CCDC74A: variants seen among roughly 807,000 people sequenced by gnomAD.
CCDC74A encodes the protein coiled-coil domain-containing protein 74A.
CCDC74A carries 38 observed loss-of-function variants against 37.6 expected under a neutral mutation model. That is an observed-to-expected ratio of 1.01 (90% CI 0.78 to 1.33). The LOEUF (loss-of-function observed/expected upper bound fraction) is 1.33. Among genes scored for constraint, CCDC74A ranks in the 40% most tolerant of loss-of-function variants. The pLI, the probability that CCDC74A is intolerant of heterozygous loss-of-function variation, is 0.00. For missense variants in CCDC74A, 340 were observed against 403.4 expected, an observed-to-expected ratio of 0.84 and a Z score of 1.35; for synonymous variants, 134 against 165.2, an observed-to-expected ratio of 0.81 and a Z score of 1.45.
chr2:131,527,758 C>A, upstream of CCDC74A: 1 of 737,150 alleles, frequency 1.4e-6, no homozygotes, highest in East Asian at 3.2e-5. Context: ...GCCTCCCAAA[C>A]TTCGGGGATT....
intron 4 of CCDC74A, among the ~76,000 whole-genome samples, chr2:131,532,216 G>A (rs537260697): frequency 8.4e-4 from 111 of 132,686 alleles, no homozygotes; most frequent in Non-Finnish European, 1.7e-3. Context: ...TTGCGGGACT[G>A]CCCTGAGATG....
intron 3 of CCDC74A, 34 bp downstream of exon 3, chr2:131,530,861 T>C: frequency 6.2e-7 from 1 of 1,604,218 alleles, no homozygotes; most frequent in Non-Finnish European, 8.5e-7. Context: ...CTCACAGGGG[T>C]GAGTGCCCCA....
At position 131,531,754 on chromosome 2, in the gene CCDC74A, T is replaced by G; in HGVS notation, c.437T>G (p.Leu146Arg). ...GCGGACCTGGAAGAGGAGCCCCTAC[T>G]TCACAACAGCAAGCTGGACAAAGTT... Reference protein sequence around the residue: ...QKADLEEEPLLHNSKLDKVPG... With the variant: ...QKADLEEEPLRHNSKLDKVPG... The change falls in exon 4 of 8, where the codon CTT becomes CGT. Residue 146 changes from leucine (L) to arginine (R), a missense_variant. Around this residue, in one of 3 missense-constraint regions of CCDC74A, gnomAD observed 185 missense variants for 231.5 expected, o/e 0.80. Coordinates refer to ENST00000409856, the MANE Select transcript of CCDC74A (RefSeq NM_001258306.3). The G allele has an allele frequency of 6.6e-7, 1 of 1,521,286 alleles. No individual in the cohort carries two copies. Among genetic ancestry groups the G allele is most frequent in the Non-Finnish European group, 8.7e-7 (1 of 1,151,224 alleles). 94.2% of individuals were successfully genotyped at this position (1,521,286 alleles called of 1,614,324 possible).
intron 1 of CCDC74A, 139 bp from the exon 2 acceptor site, chr2:131,529,508 A>T (rs1680838552): frequency 8.8e-7 from 1 of 1,136,178 alleles, no homozygotes; most frequent in African/African-American, 1.5e-5. Context: ...GGAGAGCGGG[A>T]TCCATGGGGC....
upstream of CCDC74A, among the ~76,000 whole-genome samples, chr2:131,526,127 T>C (rs1022052683): frequency 1.0e-4 from 15 of 149,108 alleles, no homozygotes; most frequent in Admixed American, 1.0e-3. Flanking sequence ...ACTTCTCGCA[T>C]TTTCTTTTCT....
rs529770119 is a variant in CCDC74A at position 131,531,387 on chromosome 2, C to A, written c.347-277C>A. Among the ~76,000 whole-genome samples, 131 of 151,990 alleles carry A rather than the reference C, an allele frequency of 8.6e-4. 1 individual carries two copies. The highest frequency in any genetic ancestry group is 2.8e-3 in the African/African-American group (117 of 41,440). On this transcript the variant is annotated intron_variant, in intron 3 of 7. Coordinates refer to ENST00000409856, the MANE Select transcript of CCDC74A (RefSeq NM_001258306.3). ...AAACCCATGCAGGCTGGGTCCCAAGCCTCTCATGCAGTTTCATTTTACCCA... is the reference window on the plus strand; with the variant it reads ...AAACCCATGCAGGCTGGGTCCCAAGACTCTCATGCAGTTTCATTTTACCCA...
At chr2:131,525,849 G>A (rs1680287340), upstream of CCDC74A, among the ~76,000 whole-genome samples, 1 of 150,862 alleles carries the variant, frequency 6.6e-6, no homozygotes, top group African/African-American at 2.4e-5. Context: ...TTCCCGAGTA[G>A]CTGGGACCAC....
rs771991885 is a variant in CCDC74A, at chr2:131,532,671, G to A, written c.568G>A (p.Ala190Thr). Residue 190 changes from alanine (A) to threonine (T), a missense_variant, in exon 5 of 8, where the codon GCA becomes ACA. Physicochemically the swap from Ala to Thr is moderately conservative, Grantham distance 58. Around this residue, in one of 3 missense-constraint regions of CCDC74A, gnomAD observed 185 missense variants for 231.5 expected, o/e 0.80. Transcript: ENST00000409856. The part of the protein sequence containing the change: ...QHQGRQMGAG[A>T]HPPMILPLPL... The stretch of plus-strand genomic sequence containing the variant: ...CCAGGGCAGGCAGATGGGGGCGGGG[G>A]CACACCCCCCAATGATCCTGCCCCT... 34 of 1,612,950 alleles carry A rather than the reference G, an allele frequency of 2.1e-5. No individual in the cohort carries two copies. The highest frequency in any genetic ancestry group is 1.8e-4 in the Admixed American group (11 of 59,942).
intron 2 of CCDC74A, 156 bp downstream of exon 2, chr2:131,529,847 C>G (rs1317981325): frequency 2.7e-6 from 4 of 1,503,362 alleles, no homozygotes; most frequent in South Asian, 1.3e-5. Context: ...TACCTCTAGC[C>G]GTGGCTGGAC....
intron 2 of CCDC74A, chr2:131,530,223 C>T (rs1486784066): frequency 5.7e-5 from 88 of 1,547,232 alleles, no homozygotes; most frequent in South Asian, 9.6e-5. Context: ...ATCCTGACAG[C>T]GGCCCCCACC....
upstream of CCDC74A, among the ~76,000 whole-genome samples, chr2:131,523,272 C>G (rs1398362121): frequency 7.2e-5 from 11 of 152,160 alleles, no homozygotes; most frequent in Admixed American, 7.2e-4. Flanking sequence ...AGCCAGAATT[C>G]CTAGCATAAT....
intron 1 of CCDC74A, chr2:131,529,255 G>GGAC: frequency 2.7e-6 from 1 of 372,688 alleles, no homozygotes; most frequent in South Asian, 3.1e-5. Flanking sequence ...TTGAGCCTCA[G>GGAC]GACGCCCAGT....
Position 131,532,562 on chromosome 2 carries a change from C to T in CCDC74A, c.486-27C>T, listed in dbSNP as rs373004533. 23 of 1,540,210 alleles carry T rather than the reference C, an allele frequency of 1.5e-5. No homozygotes were observed. In the African/African-American group the frequency reaches 2.8e-4, roughly 18 times the overall value. ...GGTTAGACGCACCTGGGCAGGTCAC[C>T]TCTGGCTGCTGCAATGACTGTTTCA... On this transcript the variant is annotated intron_variant, in intron 4 of 7. Transcript: ENST00000409856.
chr2:131,528,225 G>T lies in CCDC74A; in HGVS notation c.250+5G>T. 6.2e-7 allele frequency: 1 copy of T among 1,611,478 alleles called. No homozygotes were observed. The highest frequency in any genetic ancestry group is 8.5e-7 in the Non-Finnish European group (1 of 1,179,148). On this transcript the variant is annotated splice_donor_5th_base_variant and intron_variant, in intron 1 of 7. Transcript: ENST00000409856. ...ATCTGAAGCGGGAAAACAAGGGTGA[G>T]CCGGCGCGGGGCCCTAGGCCGGCCC...
upstream of CCDC74A, among the ~76,000 whole-genome samples, chr2:131,526,687 G>A (rs185904289): frequency 7.2e-5 from 11 of 152,266 alleles, no homozygotes; most frequent in Admixed American, 6.5e-4. Flanking sequence ...TTGAGGGCTG[G>A]TCGTGCTCAA....
At chr2:131,523,896 T>C (rs951458270), upstream of CCDC74A, among the ~76,000 whole-genome samples, 10 of 152,012 alleles carry the variant, frequency 6.6e-5, no homozygotes, top group Non-Finnish European at 1.5e-4. Context: ...ACTGTACATG[T>C]GGGCAGCCCA....
At chr2:131,525,420 A>G (rs1055820639), upstream of CCDC74A, among the ~76,000 whole-genome samples, 39 of 152,162 alleles carry the variant, frequency 2.6e-4, no homozygotes, top group African/African-American at 9.2e-4. Flanking sequence ...GTCTGGCTAT[A>G]TTGCCCAGGC....
At chr2:131,530,121 G>C in intron 2 of CCDC74A, 2 of 1,550,194 alleles carry the variant, frequency 1.3e-6, no homozygotes, top group South Asian at 2.4e-5. Context: ...ACTCCATCCA[G>C]GGATCCCTTC....
Position 131,528,211 on chromosome 2 carries a change from G to T in CCDC74A, c.241G>T (p.Glu81Ter), listed in dbSNP as rs545539668. ...LHEEIEHLKR[E>*]NKDLHYKLIM... is the part of the protein sequence containing the mutation. ...TGAGGAGATCGAGCATCTGAAGCGG[G>T]AAAACAAGGGTGAGCCGGCGCGGGG... The change falls in exon 1 of 8, where the codon GAA becomes TAA. Residue 81 changes from glutamate to a stop codon, truncating the protein, a stop_gained. Coordinates refer to ENST00000409856, the MANE Select transcript of CCDC74A (RefSeq NM_001258306.3). LOFTEE classifies it high-confidence loss of function. The T allele has an allele frequency of 5.0e-6, 8 of 1,612,428 alleles. No individual in the cohort carries two copies. The highest frequency in any genetic ancestry group is 6.8e-6 in the Non-Finnish European group (8 of 1,179,426).
Sources: allele counts gnomAD v4.1 joint callset (sites outside exome capture counted in the v4.1 genomes callset), GRCh38; gene constraint gnomAD v4.1.1; regional missense constraint gnomAD v4.1.1; transcripts MANE v1.5; gene names NCBI Gene and HGNC (gene_info 2026-07-23, HGNC 2026-07-21).